ARHGAP15: variants seen among roughly 807,000 people sequenced by gnomAD.
ARHGAP15 encodes Rho GTPase activating protein 15.
In ARHGAP15, 51 loss-of-function variants were observed where a neutral mutation model predicts 63.7. The ratio of observed to expected loss-of-function variants is 0.80; its 90% confidence interval spans 0.64 to 1.01. The LOEUF (loss-of-function observed/expected upper bound fraction) is 1.01. Ranked by LOEUF, ARHGAP15 falls within the 50% of genes least tolerant of loss-of-function variation. The probability of loss-of-function intolerance (pLI) is 0.00; values close to 1 mark genes in which losing one functional copy is unlikely to be tolerated. For synonymous variants in ARHGAP15, 191 were observed against 193.8 expected, an observed-to-expected ratio of 0.99 and a Z score of 0.12; for missense variants, 560 against 564.6, an observed-to-expected ratio of 0.99 and a Z score of 0.08.
intron 6 of ARHGAP15, among the ~76,000 whole-genome samples, chr2:143,287,843 G>T (rs1223167137): frequency 2.6e-5 from 4 of 152,080 alleles, no homozygotes; most frequent in African/African-American, 4.8e-5. Context: ...TGAGACTTCT[G>T]CTCTGTGGGT....
chr2:143,423,695 A>G (rs531424567), intron 6 of ARHGAP15, among the ~76,000 whole-genome samples: 8 of 152,288 alleles, frequency 5.3e-5, no homozygotes, highest in African/African-American at 1.9e-4. Context: ...TCCAGGAGAC[A>G]ATCAATGAAT....
At chr2:143,764,868 G>T (rs1686893525) in intron 13 of ARHGAP15, among the ~76,000 whole-genome samples, 1 of 152,098 alleles carries the variant, frequency 6.6e-6, no homozygotes, top group Admixed American at 6.6e-5. Context: ...TGGACTCCAA[G>T]TCCTAATGTT....
chr2:143,297,832 A>T (rs1278438297), intron 6 of ARHGAP15, among the ~76,000 whole-genome samples: 1 of 152,014 alleles, frequency 6.6e-6, no homozygotes, highest in Non-Finnish European at 1.5e-5. Flanking sequence ...ATGTATATGC[A>T]GTCAGGAAAT....
intron 6 of ARHGAP15, among the ~76,000 whole-genome samples, chr2:143,422,693 A>T (rs978401114): frequency 5.9e-5 from 9 of 152,146 alleles, no homozygotes; most frequent in African/African-American, 2.2e-4. Context: ...ATGTGTAACA[A>T]TTCAGATGGG....
intron 9 of ARHGAP15, among the ~76,000 whole-genome samples, chr2:143,490,605 T>C (rs1018647471): frequency 6.6e-6 from 1 of 152,086 alleles, no homozygotes; most frequent in Admixed American, 6.5e-5. Context: ...CTGTATTTTC[T>C]TATTTATTTA....
chr2:143,168,288 C>G (rs1479807515), intron 2 of ARHGAP15, among the ~76,000 whole-genome samples: 4 of 152,072 alleles, frequency 2.6e-5, no homozygotes, highest in African/African-American at 9.7e-5. Flanking sequence ...AGCAATCCTC[C>G]TGTTTCAGCC....
intron 12 of ARHGAP15, among the ~76,000 whole-genome samples, chr2:143,682,107 C>T (rs1055028615): frequency 6.6e-6 from 1 of 152,144 alleles, no homozygotes; most frequent in Admixed American, 6.6e-5. Flanking sequence ...GTAAGTTTGG[C>T]TAATTGTCAT....
chr2:143,508,834 A>G (rs1693440352), intron 9 of ARHGAP15, among the ~76,000 whole-genome samples: 1 of 152,224 alleles, frequency 6.6e-6, no homozygotes, highest in Admixed American at 6.5e-5. Flanking sequence ...TTAGATTGAC[A>G]TCTATTTCCA....
At chr2:143,637,437 G>T (rs1192242521) in intron 12 of ARHGAP15, among the ~76,000 whole-genome samples, 1 of 151,858 alleles carries the variant, frequency 6.6e-6, no homozygotes, top group Non-Finnish European at 1.5e-5. Context: ...ACACCATCTT[G>T]TACCATGGTA....
intron 3 of ARHGAP15, among the ~76,000 whole-genome samples, chr2:143,205,267 A>G (rs1246236764): frequency 6.6e-6 from 1 of 151,634 alleles, no homozygotes; most frequent in Non-Finnish European, 1.5e-5. Context: ...AAAAAAAAAA[A>G]AAAAAGAAAC....
rs1301311371 is a variant in ARHGAP15, at chr2:143,228,669, G to A, written c.384+1G>A. On this transcript the variant is annotated splice_donor_variant, in intron 5 of 13. Coordinates refer to ENST00000295095, the MANE Select transcript of ARHGAP15 (RefSeq NM_018460.4). LOFTEE classifies it high-confidence loss of function. Reference sequence around the variant, plus strand: ...CAAGCAACAGGCTCTGTCCAATATGGTAAGTAATTCTCTGTTTCTATTGTT... The same window carrying A: ...CAAGCAACAGGCTCTGTCCAATATGATAAGTAATTCTCTGTTTCTATTGTT... 2 of 1,545,898 alleles carry A rather than the reference G, an allele frequency of 1.3e-6. No homozygotes were observed. Among genetic ancestry groups the A allele is most frequent in the Non-Finnish European group, 1.8e-6 (2 of 1,142,684 alleles).
chr2:143,414,111 T>C (rs113597027), intron 6 of ARHGAP15, among the ~76,000 whole-genome samples: 4,658 of 151,302 alleles, frequency 0.031, 248 homozygotes, highest in African/African-American at 0.11. Context: ...ACAAAAAATA[T>C]ATATGTATAT....
At chr2:143,379,699 A>C (rs565921942) in intron 6 of ARHGAP15, among the ~76,000 whole-genome samples, 42 of 152,174 alleles carry the variant, frequency 2.8e-4, no homozygotes, top group Admixed American at 9.8e-4. Flanking sequence ...GTTGTCATAA[A>C]AATTAAATTG....
At chr2:143,651,945 G>T (rs954385472) in intron 12 of ARHGAP15, among the ~76,000 whole-genome samples, 8 of 151,812 alleles carry the variant, frequency 5.3e-5, no homozygotes, top group African/African-American at 1.7e-4. Context: ...AGTTATTTTT[G>T]TCTTCTGGAT....
At chr2:143,378,819 C>T (rs1157469839) in intron 6 of ARHGAP15, among the ~76,000 whole-genome samples, 2 of 151,980 alleles carry the variant, frequency 1.3e-5, no homozygotes, top group African/African-American at 4.8e-5. Flanking sequence ...ACTGGATAAT[C>T]AATCTCTAAA....
chr2:143,136,580 C>T (rs1450134535), intron 1 of ARHGAP15, among the ~76,000 whole-genome samples: 1 of 152,034 alleles, frequency 6.6e-6, no homozygotes, highest in African/African-American at 2.4e-5. Flanking sequence ...GGGCCCCCGG[C>T]TCCAGGTGAC....
intron 6 of ARHGAP15, among the ~76,000 whole-genome samples, chr2:143,327,540 A>G (rs1684312723): frequency 6.6e-6 from 1 of 152,206 alleles, no homozygotes; most frequent in African/African-American, 2.4e-5. Flanking sequence ...TACTGGTACC[A>G]AAACAGATAC....
intron 9 of ARHGAP15, among the ~76,000 whole-genome samples, chr2:143,501,911 A>G (rs1055477918): frequency 1.3e-5 from 2 of 152,200 alleles, no homozygotes; most frequent in Admixed American, 6.5e-5. Flanking sequence ...CTACTACAGC[A>G]TGAAGAACAG....
chr2:143,558,640 T>A (rs1403271528), intron 11 of ARHGAP15, among the ~76,000 whole-genome samples: 1 of 152,196 alleles, frequency 6.6e-6, no homozygotes, highest in African/African-American at 2.4e-5. Context: ...ATCATCCTTG[T>A]ATCTTTTCCC....
Sources: allele counts gnomAD v4.1 joint callset (sites outside exome capture counted in the v4.1 genomes callset), GRCh38; gene constraint gnomAD v4.1.1; transcripts MANE v1.5; gene names NCBI Gene and HGNC (gene_info 2026-07-23, HGNC 2026-07-21).